Variants in SRBD1 observed in about 807,000 individuals in gnomAD.
SRBD1 encodes the protein S1 RNA-binding domain-containing protein 1.
In SRBD1, 88 loss-of-function variants were observed where a neutral mutation model predicts 115.3. The observed-to-expected ratio is 0.76, with a 90% confidence interval of 0.64 to 0.91. The LOEUF (loss-of-function observed/expected upper bound fraction) is 0.91, where lower values mean the gene tolerates loss of function less well. Among genes scored for constraint, SRBD1 ranks in the 40% least tolerant of loss-of-function variants. The probability of loss-of-function intolerance (pLI) is 0.00; values close to 1 mark genes in which losing one functional copy is unlikely to be tolerated. For synonymous variants in SRBD1, 509 were observed against 407.7 expected, an observed-to-expected ratio of 1.25 and a Z score of -2.99; for missense variants, 1,385 against 1,177.4, an observed-to-expected ratio of 1.18 and a Z score of -2.58.
intron 14 of SRBD1, among the ~76,000 whole-genome samples, chr2:45,490,796 C>T (rs772875839): frequency 3.9e-5 from 6 of 152,070 alleles, no homozygotes; most frequent in African/African-American, 7.2e-5. Context: ...TACCATACTG[C>T]CATTTCTTTT....
chr2:45,423,802 C>G (rs538445899), intron 16 of SRBD1, among the ~76,000 whole-genome samples: 1 of 152,218 alleles, frequency 6.6e-6, no homozygotes, highest in East Asian at 1.9e-4. Flanking sequence ...CAACAAAATA[C>G]TAATAAACTA....
chr2:45,504,501 G>A (rs1006785189), intron 14 of SRBD1, among the ~76,000 whole-genome samples: 3 of 151,932 alleles, frequency 2.0e-5, no homozygotes, highest in African/African-American at 7.3e-5. Context: ...ATCAACATAC[G>A]AGAAACAGAG....
chr2:45,390,253 A>C (rs1666960505), intron 20 of SRBD1, among the ~76,000 whole-genome samples: 1 of 152,168 alleles, frequency 6.6e-6, no homozygotes, highest in South Asian at 2.1e-4. Flanking sequence ...TAAATTCATC[A>C]AACATTTGTT....
intron 4 of SRBD1, 142 bp downstream of exon 4, chr2:45,599,307 T>C (rs1371853648): frequency 3.5e-6 from 4 of 1,157,296 alleles, no homozygotes; most frequent in East Asian, 2.4e-5. Context: ...AAGTTACAAG[T>C]AGGAAAGCCT....
intron 19 of SRBD1, among the ~76,000 whole-genome samples, chr2:45,393,744 T>C (rs1165003451): frequency 6.6e-6 from 1 of 152,248 alleles, no homozygotes. Context: ...AAAATGAGGC[T>C]ATCTGTTCCC....
At chr2:45,540,276 G>A (rs995827842) in intron 14 of SRBD1, among the ~76,000 whole-genome samples, 2 of 151,866 alleles carry the variant, frequency 1.3e-5, no homozygotes, top group African/African-American at 2.4e-5. Flanking sequence ...AGGAGGCAGA[G>A]GCTGCAGTGA....
intron 9 of SRBD1, among the ~76,000 whole-genome samples, chr2:45,567,588 G>C (rs368141173): frequency 1.3e-5 from 2 of 150,638 alleles, no homozygotes; most frequent in African/African-American, 4.9e-5. Context: ...CAGCCTGGGT[G>C]AAAGAGCAAG....
At chr2:45,426,780 C>T (rs1423743953) in intron 16 of SRBD1, among the ~76,000 whole-genome samples, 1 of 152,152 alleles carries the variant, frequency 6.6e-6, no homozygotes, top group Non-Finnish European at 1.5e-5. Context: ...GGAAAACTAA[C>T]AAACAGAAAG....
chr2:45,610,621 T>C (rs555370455), intron 1 of SRBD1, among the ~76,000 whole-genome samples: 1 of 152,144 alleles, frequency 6.6e-6, no homozygotes, highest in Non-Finnish European at 1.5e-5. Flanking sequence ...GCCTAGAGAG[T>C]TCCCAATTCA....
At position 45,488,276 on chromosome 2, in the gene SRBD1, C is replaced by G; in HGVS notation, c.1930G>C (p.Glu644Gln). ...AAATTAGGGTCCAGCCCTGGCATCT[C>G]TTTGTTAGCTTCAGGGCTGACACTG... ...IYSVSPEANKEMPGLDPNLRS... is the reference protein window; with the variant it reads ...IYSVSPEANKQMPGLDPNLRS... Residue 644 changes from glutamate (E) to glutamine (Q), a missense_variant, in exon 15 of 21, where the codon GAG becomes CAG. Glu to Gln is a conservative substitution (Grantham distance 29). Coordinates refer to ENST00000263736, the MANE Select transcript of SRBD1 (RefSeq NM_018079.5). 1 of 1,614,046 alleles carries G rather than the reference C, an allele frequency of 6.2e-7. No individual in the cohort carries two copies. Among genetic ancestry groups the G allele is most frequent in the Non-Finnish European group, 8.5e-7 (1 of 1,179,976 alleles).
At chr2:45,575,967 G>C (rs963729118) in intron 7 of SRBD1, among the ~76,000 whole-genome samples, 4 of 152,152 alleles carry the variant, frequency 2.6e-5, no homozygotes, top group Non-Finnish European at 5.9e-5. Context: ...GCCTCCCAAA[G>C]TGTTGGGATT....
intron 16 of SRBD1, chr2:45,448,117 G>C (rs1395382911): frequency 6.6e-6 from 1 of 152,122 alleles, no homozygotes; most frequent in Non-Finnish European, 1.5e-5. Flanking sequence ...GACTTCCAGA[G>C]ATGCTAAAAT....
chr2:45,451,366 A>C (rs1288479558), intron 16 of SRBD1, among the ~76,000 whole-genome samples: 1 of 152,090 alleles, frequency 6.6e-6, no homozygotes, highest in Non-Finnish European at 1.5e-5. Flanking sequence ...TTCGCTTTTC[A>C]GAATACCAAA....
At chr2:45,478,279 CAA>C (rs1245449419) in intron 15 of SRBD1, among the ~76,000 whole-genome samples, 1 of 152,132 alleles carries the variant, frequency 6.6e-6, no homozygotes, top group Non-Finnish European at 1.5e-5. Flanking sequence ...GGTCTGGAAA[CAA>C]AAGTCATCTC....
At chr2:45,514,804 A>G (rs759339411) in intron 14 of SRBD1, among the ~76,000 whole-genome samples, 5 of 152,168 alleles carry the variant, frequency 3.3e-5, no homozygotes, top group Non-Finnish European at 5.9e-5. Context: ...AAGTGTTCCA[A>G]TTTGCACTTA....
At chr2:45,516,839 A>G (rs1671134644) in intron 14 of SRBD1, among the ~76,000 whole-genome samples, 1 of 152,224 alleles carries the variant, frequency 6.6e-6, no homozygotes, top group Admixed American at 6.5e-5. Context: ...GATATATTAG[A>G]ATCCATAGGT....
At chr2:45,580,348 T>C (rs754533219) in intron 6 of SRBD1, among the ~76,000 whole-genome samples, 3 of 151,952 alleles carry the variant, frequency 2.0e-5, no homozygotes, top group Non-Finnish European at 4.4e-5. Context: ...GTTTTTTTTG[T>C]TTTTTTCTTT....
intron 15 of SRBD1, among the ~76,000 whole-genome samples, chr2:45,486,764 A>T (rs1670134815): frequency 6.6e-6 from 1 of 151,150 alleles, no homozygotes; most frequent in East Asian, 1.9e-4. Context: ...TAAAATAAAT[A>T]AATAAATAAA....
At chr2:45,530,550 G>A (rs903426433) in intron 14 of SRBD1, among the ~76,000 whole-genome samples, 1 of 152,004 alleles carries the variant, frequency 6.6e-6, no homozygotes. Flanking sequence ...ATGCTTCACT[G>A]TCTCCTGTCT....
Sources: allele counts gnomAD v4.1 joint callset (sites outside exome capture counted in the v4.1 genomes callset), GRCh38; gene constraint gnomAD v4.1.1; transcripts MANE v1.5; gene names NCBI Gene and HGNC (gene_info 2026-07-23, HGNC 2026-07-21).